The following EVC2 variants were observed in gnomAD, a reference collection of about 807,000 sequenced individuals.
EVC2 encodes the protein limbin.
Under a neutral mutation model 149.3 loss-of-function variants are expected in EVC2, and 148 were observed. The observed-to-expected ratio is 0.99, with a 90% CI of 0.87 to 1.14. EVC2 has a LOEUF of 1.14. EVC2 is among the 50% of genes most tolerant of loss of function. The probability of loss-of-function intolerance (pLI) is 0.00; values close to 1 mark genes in which losing one functional copy is unlikely to be tolerated. For synonymous variants in EVC2, 776 were observed against 649.9 expected, an observed-to-expected ratio of 1.19 and a Z score of -2.95; for missense variants, 1,854 against 1,627.3, an observed-to-expected ratio of 1.14 and a Z score of -2.40.
At chr4:5,549,207 T>C (rs12640418) in intron 21 of EVC2, among the ~76,000 whole-genome samples, 1 of 152,334 alleles carries the variant, frequency 6.6e-6, no homozygotes, top group East Asian at 1.9e-4. Flanking sequence ...TCATCAATAA[T>C]ACAACACAAC....
intron 9 of EVC2, among the ~76,000 whole-genome samples, chr4:5,646,798 G>A (rs1457859667): frequency 1.3e-5 from 2 of 152,184 alleles, no homozygotes; most frequent in African/African-American, 2.4e-5. Context: ...AACCTACTAA[G>A]AGGATGAACA....
rs1027899669 is a variant in EVC2, at chr4:5,618,006, A to T, written c.2706+472T>A. Among the ~76,000 whole-genome samples, 16 of 152,108 alleles carry T rather than the reference A, an allele frequency of 1.1e-4. No individual in the cohort carries two copies. Among genetic ancestry groups the T allele is most frequent in the African/African-American group, 3.9e-4 (16 of 41,400 alleles). ...ACATAATAGCTGCTCATTAAAAGGC[A>T]GCTACCAGTCATCATCCTTTAAGAC... On this transcript the variant is annotated intron_variant, in intron 15 of 21. Coordinates refer to ENST00000344408, the MANE Select transcript of EVC2 (RefSeq NM_147127.5). This position sits in a 1 kb window ranked among gnomAD's most constrained non-coding sequence, Gnocchi z 4.4.
chr4:5,550,455 G>A (rs1054685994), intron 21 of EVC2, among the ~76,000 whole-genome samples: 4 of 152,200 alleles, frequency 2.6e-5, no homozygotes, highest in African/African-American at 9.6e-5. Context: ...GTGGAACTCT[G>A]AACTTAAAGA....
intron 16 of EVC2, among the ~76,000 whole-genome samples, chr4:5,609,126 A>G (rs1221837249): frequency 6.6e-6 from 1 of 152,156 alleles, no homozygotes; most frequent in Non-Finnish European, 1.5e-5. Context: ...GATGGCAGAC[A>G]GTGGACCTTC....
At chr4:5,654,296 A>G (rs1469634552) in intron 9 of EVC2, among the ~76,000 whole-genome samples, 1 of 152,086 alleles carries the variant, frequency 6.6e-6, no homozygotes, top group African/African-American at 2.4e-5. Flanking sequence ...TCAGCCCTGG[A>G]GTCCAGGAAA....
chr4:5,634,043 G>A (rs2108854313), intron 10 of EVC2, among the ~76,000 whole-genome samples: 1 of 152,328 alleles, frequency 6.6e-6, no homozygotes, highest in African/African-American at 2.4e-5. Flanking sequence ...CTGCCTTGCA[G>A]GTGCTCACAG....
At chr4:5,664,970 C>T (rs1719161993) in intron 8 of EVC2, among the ~76,000 whole-genome samples, 1 of 145,616 alleles carries the variant, frequency 6.9e-6, no homozygotes, top group Admixed American at 6.8e-5. Flanking sequence ...TGATGGGGTG[C>T]GTGTGGGTGA....
Position 5,567,827 on chromosome 4 carries a change from G to A in EVC2, c.3557+617C>T, listed in dbSNP as rs139727013. 2.2e-4 allele frequency among the ~76,000 whole-genome samples: 34 copies of A among 152,264 alleles called. No homozygotes were observed. The highest frequency in any genetic ancestry group is 7.7e-4 in the African/African-American group (32 of 41,538). On this transcript the variant is annotated intron_variant, in intron 20 of 21. Transcript: ENST00000344408. The surrounding 1 kb of genome is among the most constrained non-coding windows in gnomAD (Gnocchi z 4.4). ...TAAAAATAATATCCACCTGTGCCACGTGTCAATAACATTGAAAGAATAAAA... is the reference window on the plus strand; with the variant it reads ...TAAAAATAATATCCACCTGTGCCACATGTCAATAACATTGAAAGAATAAAA...
intron 20 of EVC2, 93 bp from the exon 21 acceptor site, chr4:5,565,452 C>T: frequency 4.2e-6 from 5 of 1,180,922 alleles, no homozygotes; most frequent in Non-Finnish European, 6.2e-6. Context: ...GGGCAGATCA[C>T]CTGAGGTCAG....
intron 5 of EVC2, among the ~76,000 whole-genome samples, chr4:5,688,018 G>A (rs1720840910): frequency 6.6e-6 from 1 of 152,180 alleles, no homozygotes; most frequent in African/African-American, 2.4e-5. Flanking sequence ...TCTGCTCGTG[G>A]CTCCATGCTC....
At chr4:5,693,106 C>G (rs921106425) in intron 3 of EVC2, among the ~76,000 whole-genome samples, 5 of 152,096 alleles carry the variant, frequency 3.3e-5, no homozygotes, top group Non-Finnish European at 7.4e-5. Flanking sequence ...ATCTTGCAAA[C>G]AATAACTGAT....
At chr4:5,539,423 T>C (rs1020947993), downstream of EVC2, among the ~76,000 whole-genome samples, 2 of 152,180 alleles carry the variant, frequency 1.3e-5, no homozygotes, top group Non-Finnish European at 2.9e-5. Context: ...TTGGTCAGAA[T>C]TGAGAAGTAA....
the EVC2 span, among the ~76,000 whole-genome samples, chr4:5,530,460 C>T: frequency 2.6e-5 from 4 of 151,814 alleles, no homozygotes; most frequent in African/African-American, 9.7e-5. Context: ...TGTTGTGATA[C>T]ACATGGTGAA....
At chr4:5,580,005 G>C (rs1711617377) in intron 17 of EVC2, among the ~76,000 whole-genome samples, 1 of 152,136 alleles carries the variant, frequency 6.6e-6, no homozygotes, top group Non-Finnish European at 1.5e-5. Context: ...TTGTCACTTG[G>C]CCTTCTGATC....
chr4:5,706,425 G>GATAGATACATAC, intron 1 of EVC2, among the ~76,000 whole-genome samples: 1 of 84,076 alleles, frequency 1.2e-5, no homozygotes, highest in Admixed American at 1.3e-4. Flanking sequence ...TAGATAGATA[G>GATAGATACATAC]ATACATAGAT....
intron 1 of EVC2, 76 bp downstream of exon 1, chr4:5,708,210 C>T: frequency 7.8e-7 from 1 of 1,284,902 alleles, no homozygotes; most frequent in Non-Finnish European, 1.0e-6. Context: ...TACTAAGGGT[C>T]CTCCCTGCCA....
At chr4:5,529,438 C>T in the EVC2 span, among the ~76,000 whole-genome samples, 29 of 152,180 alleles carry the variant, frequency 1.9e-4, no homozygotes, top group South Asian at 2.1e-4. This position sits in a 1 kb window ranked among gnomAD's most constrained non-coding sequence, Gnocchi z 4.5. Flanking sequence ...GAATCCTTTC[C>T]TTATTTCTAC....
At chr4:5,529,053 C>T in the EVC2 span, among the ~76,000 whole-genome samples, 4 of 152,294 alleles carry the variant, frequency 2.6e-5, no homozygotes, top group South Asian at 2.1e-4. The surrounding 1 kb of genome is among the most constrained non-coding windows in gnomAD (Gnocchi z 4.5). Context: ...CATGTTTCCA[C>T]GGAGGCCGAG....
intron 9 of EVC2, among the ~76,000 whole-genome samples, chr4:5,642,603 T>C (rs1007059818): frequency 3.9e-5 from 6 of 152,196 alleles, no homozygotes; most frequent in African/African-American, 1.4e-4. Flanking sequence ...ATTTCCTCAG[T>C]ACAGATTCCC....
Sources: gnomAD v4.1 joint callset for allele counts (sites outside exome capture counted in the v4.1 genomes callset) on GRCh38, gnomAD v4.1.1 for gene constraint, Gnocchi (gnomAD v3.1) non-coding constraint, MANE v1.5 for transcripts, NCBI Gene and HGNC (gene_info 2026-07-23, HGNC 2026-07-21) for gene names.